Variants in ZNF438 observed in about 807,000 individuals in gnomAD.
ZNF438 encodes the protein zinc finger protein 438.
Under a neutral mutation model 38.0 loss-of-function variants are expected in ZNF438, and 25 were observed. The observed-to-expected ratio is 0.66, with a 90% CI of 0.48 to 0.92. The LOEUF is 0.92. Among genes scored for constraint, ZNF438 ranks in the 40% least tolerant of loss-of-function variants. The pLI is 0.00. For missense variants in ZNF438, 1,007 were observed against 999.6 expected (o/e 1.01, Z -0.10); for synonymous variants, 372 against 364.1 (o/e 1.02, Z -0.25).
chr10:30,986,818 T>C (rs1207191410), intron 1 of ZNF438, among the ~76,000 whole-genome samples: 3 of 152,170 alleles, frequency 2.0e-5, no homozygotes, highest in Non-Finnish European at 4.4e-5. Flanking sequence ...TGATTTTAGA[T>C]CAGAGATGCT....
intron 3 of ZNF438, among the ~76,000 whole-genome samples, chr10:30,898,548 A>G (rs2041628807): frequency 1.3e-5 from 2 of 152,142 alleles, no homozygotes; most frequent in Admixed American, 1.3e-4. Context: ...ATATATAACT[A>G]TATTGTATAT....
chr10:31,012,584 T>G (rs968496045), intron 1 of ZNF438, among the ~76,000 whole-genome samples: 1 of 152,208 alleles, frequency 6.6e-6, no homozygotes, highest in African/African-American at 2.4e-5. Flanking sequence ...TAGGGGGCCA[T>G]AGCACCTAGA....
chr10:30,844,922 G>A (rs374441354), exon 6 of ZNF438: 17 of 1,584,794 alleles, frequency 1.1e-5, no homozygotes, highest in African/African-American at 4.1e-5. Context: ...GGAAGGTGGC[G>A]GCAGAGCTCT....
At chr10:30,891,481 T>A (rs1031240464) in intron 3 of ZNF438, among the ~76,000 whole-genome samples, 3 of 152,202 alleles carry the variant, frequency 2.0e-5, no homozygotes, top group Non-Finnish European at 4.4e-5. Context: ...TTATTTGATT[T>A]GTATAGATTG....
intron 3 of ZNF438, among the ~76,000 whole-genome samples, chr10:30,892,887 A>G (rs142424926): frequency 2.6e-5 from 4 of 152,328 alleles, no homozygotes; most frequent in East Asian, 3.9e-4. Flanking sequence ...TAAAGACTGC[A>G]TAGTATTTGA....
At chr10:30,936,749 G>GTTGTCTTC (rs2046300207) in intron 2 of ZNF438, among the ~76,000 whole-genome samples, 1 of 152,130 alleles carries the variant, frequency 6.6e-6, no homozygotes, top group Admixed American at 6.5e-5. Context: ...CGAAGACCAT[G>GTTGTCTTC]GTAGAAACTG....
intron 3 of ZNF438, among the ~76,000 whole-genome samples, chr10:30,894,024 G>T (rs1450202489): frequency 6.6e-6 from 1 of 152,058 alleles, no homozygotes; most frequent in African/African-American, 2.4e-5. Flanking sequence ...CAGCAAAATG[G>T]TACATCAGAG....
chr10:31,021,488 T>C (rs1166345071), intron 1 of ZNF438, among the ~76,000 whole-genome samples: 1 of 152,222 alleles, frequency 6.6e-6, no homozygotes, highest in African/African-American at 2.4e-5. Flanking sequence ...GCAGGTTTTG[T>C]ATTGTTGGAA....
At chr10:30,886,984 G>A (rs2040032778) in intron 3 of ZNF438, among the ~76,000 whole-genome samples, 1 of 152,076 alleles carries the variant, frequency 6.6e-6, no homozygotes, top group South Asian at 2.1e-4. Context: ...GCTAGAGAGG[G>A]GAAGATACTG....
At chr10:30,903,779 G>C (rs2042298949) in intron 3 of ZNF438, among the ~76,000 whole-genome samples, 1 of 152,114 alleles carries the variant, frequency 6.6e-6, no homozygotes, top group Non-Finnish European at 1.5e-5. Context: ...CTACTTTTTT[G>C]TCCCTGTATC....
At chr10:31,003,646 A>G (rs941645834) in intron 1 of ZNF438, among the ~76,000 whole-genome samples, 1 of 152,210 alleles carries the variant, frequency 6.6e-6, no homozygotes, top group Non-Finnish European at 1.5e-5. Context: ...GCCACTCCTT[A>G]TCATATGCCC....
chr10:31,029,528 A>G (rs1006542002), intron 1 of ZNF438, among the ~76,000 whole-genome samples: 2 of 152,118 alleles, frequency 1.3e-5, no homozygotes, highest in African/African-American at 4.8e-5. Context: ...TTCAAAACGT[A>G]TCACCAATTC....
intron 1 of ZNF438, among the ~76,000 whole-genome samples, chr10:31,025,125 T>C (rs1379708729): frequency 2.0e-5 from 3 of 152,080 alleles, no homozygotes; most frequent in Admixed American, 6.6e-5. Flanking sequence ...AGTCAGGCAT[T>C]TGCCACTTAA....
Position 30,978,668 on chromosome 10 carries a change from A to G in ZNF438, c.-191-37017T>C, listed in dbSNP as rs552263691. 2.0e-5 allele frequency among the ~76,000 whole-genome samples: 3 copies of G among 152,302 alleles called. No homozygotes were observed. In the East Asian group the frequency reaches 5.8e-4, roughly 29 times the overall value. On this transcript the variant is annotated intron_variant, in intron 1 of 5. Coordinates refer to ENST00000413025, the Ensembl canonical transcript of ZNF438. ...CAACTTGTCCACTGTTTGTCACCATACAGTAAATTTATCTCTTCTCACACT... is the reference window on the plus strand; with the variant it reads ...CAACTTGTCCACTGTTTGTCACCATGCAGTAAATTTATCTCTTCTCACACT...
At chr10:30,883,940 T>G (rs1225174379) in intron 3 of ZNF438, among the ~76,000 whole-genome samples, 1 of 152,158 alleles carries the variant, frequency 6.6e-6, no homozygotes, top group African/African-American at 2.4e-5. Flanking sequence ...AGTTATTTTT[T>G]TCATAACTCA....
intron 4 of ZNF438, among the ~76,000 whole-genome samples, chr10:30,864,653 A>G (rs2036131510): frequency 1.3e-5 from 2 of 152,356 alleles, no homozygotes; most frequent in South Asian, 4.1e-4. Flanking sequence ...ACTCTCAACC[A>G]TATTGACATG....
chr10:30,951,844 A>G lies in ZNF438; in HGVS notation c.-191-10193T>C, dbSNP rs546573614. Reference sequence around the variant, plus strand: ...ACTGCCCAAGGTAATTTACAGATTCAATGCCATCCCCATCAAGCTACCAAT... The same window carrying G: ...ACTGCCCAAGGTAATTTACAGATTCGATGCCATCCCCATCAAGCTACCAAT... On this transcript the variant is annotated intron_variant, in intron 1 of 5. Transcript: ENST00000413025. 4.2e-3 allele frequency among the ~76,000 whole-genome samples: 630 copies of G among 151,580 alleles called. 5 individuals are homozygous for G. The highest frequency in any genetic ancestry group is 0.015 in the African/African-American group (610 of 41,458).
chr10:30,926,542 T>A (rs906175577), intron 2 of ZNF438, among the ~76,000 whole-genome samples: 1 of 151,906 alleles, frequency 6.6e-6, no homozygotes, highest in Non-Finnish European at 1.5e-5. Flanking sequence ...GGCGGGTGCC[T>A]GTAGTTCCAG....
At chr10:30,977,142 CAAAT>C (rs1471446184) in intron 1 of ZNF438, among the ~76,000 whole-genome samples, 1 of 152,080 alleles carries the variant, frequency 6.6e-6, no homozygotes, top group Non-Finnish European at 1.5e-5. Flanking sequence ...AACATTCTCT[CAAAT>C]AATTAATCAA....
Sources: gnomAD v4.1 joint callset for allele counts (sites outside exome capture counted in the v4.1 genomes callset) on GRCh38, gnomAD v4.1.1 for gene constraint, MANE v1.5 for transcripts, NCBI Gene and HGNC (gene_info 2026-07-23, HGNC 2026-07-21) for gene names.